The following TRAPPC11 variants were observed in gnomAD, a reference collection of about 807,000 sequenced individuals.
TRAPPC11 encodes the protein trafficking protein particle complex subunit 11.
In TRAPPC11, 104 loss-of-function variants were observed where a neutral mutation model predicts 151.2. The ratio of observed to expected loss-of-function variants is 0.69; its 90% confidence interval spans 0.59 to 0.81. The LOEUF is 0.81. Among genes scored for constraint, TRAPPC11 ranks in the 30% least tolerant of loss-of-function variants. The probability of loss-of-function intolerance (pLI) is 0.00; values close to 1 mark genes in which losing one functional copy is unlikely to be tolerated. For missense variants in TRAPPC11, 1,230 were observed against 1,349.6 expected (o/e 0.91, Z 1.39); for synonymous variants, 456 against 472.3 (o/e 0.97, Z 0.45).
chr4:183,661,693 C>A (rs1190191820), intron 1 of TRAPPC11, among the ~76,000 whole-genome samples: 1 of 150,512 alleles, frequency 6.6e-6, no homozygotes, highest in African/African-American at 2.4e-5. Flanking sequence ...AAAAGAGCCT[C>A]ATGACACATT....
chr4:183,682,688 T>A (rs1215127303), intron 10 of TRAPPC11, 44 bp from the exon 11 acceptor site: 1 of 1,366,288 alleles, frequency 7.3e-7, no homozygotes, highest in Non-Finnish European at 1.0e-6. Context: ...TGATTTGCGA[T>A]GAGTTCCATA....
chr4:183,692,118 T>C (rs913053377), intron 19 of TRAPPC11, among the ~76,000 whole-genome samples: 1 of 152,150 alleles, frequency 6.6e-6, no homozygotes, highest in Non-Finnish European at 1.5e-5. Context: ...ATCTGTAAAA[T>C]GGGGATCATA....
chr4:183,701,242 G>A (rs977804594), intron 25 of TRAPPC11: 2 of 153,022 alleles, frequency 1.3e-5, no homozygotes, highest in African/African-American at 4.8e-5. Flanking sequence ...ATTAGGGATG[G>A]TCAACCTGTA....
At chr4:183,683,086 G>A (rs1281666064) in intron 11 of TRAPPC11, among the ~76,000 whole-genome samples, 1 of 151,554 alleles carries the variant, frequency 6.6e-6, no homozygotes, top group Non-Finnish European at 1.5e-5. Context: ...TTGGGAGACT[G>A]AGGTGGAAGG....
chr4:183,686,579 C>T, intron 17 of TRAPPC11, 39 bp from the exon 18 acceptor site: 1 of 1,607,508 alleles, frequency 6.2e-7, no homozygotes, highest in East Asian at 2.2e-5. Context: ...TCGTGGGTAT[C>T]TGGTTGTGCA....
chr4:183,688,922 A>AT (rs1274753584), intron 18 of TRAPPC11, among the ~76,000 whole-genome samples: 1 of 151,886 alleles, frequency 6.6e-6, no homozygotes, highest in Admixed American at 6.6e-5. Flanking sequence ...TAATTTTTGT[A>AT]TTTTTTTATA....
intron 8 of TRAPPC11, among the ~76,000 whole-genome samples, chr4:183,677,992 G>A (rs1735496720): frequency 6.7e-6 from 1 of 150,006 alleles, no homozygotes; most frequent in Admixed American, 6.7e-5. Flanking sequence ...AGGCTGGAGT[G>A]CAGTGGTGGG....
At chr4:183,665,343 C>T (rs1287333595) in intron 2 of TRAPPC11, among the ~76,000 whole-genome samples, 4 of 152,080 alleles carry the variant, frequency 2.6e-5, no homozygotes, top group Non-Finnish European at 5.9e-5. Context: ...ATCTGCCCAC[C>T]TTGGCCTCCC....
chr4:183,665,925 G>A lies in TRAPPC11; in HGVS notation c.205-332G>A, dbSNP rs1051832281. On this transcript the variant is annotated intron_variant, in intron 2 of 29. Transcript: ENST00000334690. ...ATAAGTAGAATTTACCTGGAAATGG[G>A]CTACTTTTTTTTTTTTTTTTTTCTT... 1.0e-3 allele frequency among the ~76,000 whole-genome samples: 141 copies of A among 140,648 alleles called. 1 individual carries two copies. Among genetic ancestry groups the A allele is most frequent in the Non-Finnish European group, 1.7e-3 (111 of 65,730 alleles). The allele number at this position is 140,648 out of a possible 152,430, so 92.3% of individuals were successfully genotyped here.
At chr4:183,682,851 T>G in intron 11 of TRAPPC11, 26 bp downstream of exon 11, 1 of 1,501,848 alleles carries the variant, frequency 6.7e-7, no homozygotes, top group Non-Finnish European at 9.3e-7. Flanking sequence ...CTCTGTCCTT[T>G]CCTCTCAACC....
In TRAPPC11 at chr4:183,675,209, T is replaced by C. The variant is rs867066354; in HGVS notation, c.706T>C (p.Leu236=). 6.5e-7 allele frequency: 1 copy of C among 1,545,170 alleles called. No individual in the cohort carries two copies. The highest frequency in any genetic ancestry group is 1.9e-5 in the Admixed American group (1 of 51,816). Residue 236 remains leucine, a synonymous_variant, in exon 7 of 30, where the codon TTG becomes CTG. Transcript: ENST00000334690. The part of the protein sequence containing the change: ...HQFKIAFFSE[L]KQDTQNALKN... ...GTTCAAAATAGCTTTCTTCAGTGAG[T>C]TGAAACAAGATACACAAAATGCGCT...
At chr4:183,659,940 C>T (rs1734382544) in intron 1 of TRAPPC11, among the ~76,000 whole-genome samples, 1 of 151,928 alleles carries the variant, frequency 6.6e-6, no homozygotes, top group African/African-American at 2.4e-5. Context: ...TTTTTAGTTG[C>T]CAATTTGATT....
At chr4:183,706,580 C>A (rs1199921657) in intron 27 of TRAPPC11, among the ~76,000 whole-genome samples, 1 of 151,920 alleles carries the variant, frequency 6.6e-6, no homozygotes, top group Non-Finnish European at 1.5e-5. Context: ...ATAGCCAAGA[C>A]CCTGTCTAGG....
intron 29 of TRAPPC11, among the ~76,000 whole-genome samples, chr4:183,711,088 A>T (rs1737319755): frequency 6.7e-6 from 1 of 150,016 alleles, no homozygotes; most frequent in Non-Finnish European, 1.5e-5. Context: ...TCAAAACATC[A>T]TGTTGTATAC....
chr4:183,667,065 G>GT lies in TRAPPC11; in HGVS notation c.383dup (p.Leu128PhefsTer39). On this transcript the variant is annotated frameshift_variant, in exon 4 of 30. Transcript: ENST00000334690. LOFTEE classifies it high-confidence loss of function. ...TTCTTGCTTTTTCATTGCAGGCAAA[G>GT]TTTACAAGGAAGAAACACAAAAGTT... The GT allele has an allele frequency of 6.3e-7, 1 of 1,594,256 alleles. No homozygotes were observed. The highest frequency in any genetic ancestry group is 8.6e-7 in the Non-Finnish European group (1 of 1,166,902).
At chr4:183,665,641 T>C (rs541250788) in intron 2 of TRAPPC11, among the ~76,000 whole-genome samples, 2 of 152,330 alleles carry the variant, frequency 1.3e-5, no homozygotes, top group East Asian at 3.9e-4. Context: ...GGAAGGAATG[T>C]GAGGTTTCAA....
chr4:183,659,980 T>C (rs1015912639), intron 1 of TRAPPC11, among the ~76,000 whole-genome samples: 1 of 152,226 alleles, frequency 6.6e-6, no homozygotes, highest in Non-Finnish European at 1.5e-5. Flanking sequence ...TCACGCTAGT[T>C]TCCAGTTTAC....
Position 183,685,401 on chromosome 4 carries a change from T to A in TRAPPC11, c.1760T>A (p.Phe587Tyr). The A allele has an allele frequency of 2.5e-6, 4 of 1,612,652 alleles. No individual in the cohort carries two copies. The highest frequency in any genetic ancestry group is 2.5e-6 in the Non-Finnish European group (3 of 1,178,750). Residue 587 changes from phenylalanine to tyrosine, a missense_variant and splice_region_variant, in exon 17 of 30, where the codon TTT becomes TAT. Coordinates refer to ENST00000334690, the MANE Select transcript of TRAPPC11 (RefSeq NM_021942.6). ...ATAGGAGTACAGGACTTTGTGCCAT[T>A]TGGTAGGTAGCTAACATCTACAGTA... ...FTIGVQDFVPFVQCKAKFHAP... is the reference protein window; with the variant it reads ...FTIGVQDFVPYVQCKAKFHAP...
chr4:183,695,811 GAGA>G (rs1736508182), intron 23 of TRAPPC11, among the ~76,000 whole-genome samples: 2 of 152,138 alleles, frequency 1.3e-5, no homozygotes, highest in African/African-American at 4.8e-5. Context: ...CCAAGCGGGA[GAGA>G]AGAAGGCATG....
Sources: gnomAD v4.1 joint callset for allele counts (sites outside exome capture counted in the v4.1 genomes callset) on GRCh38, gnomAD v4.1.1 for gene constraint, MANE v1.5 for transcripts, NCBI Gene and HGNC (gene_info 2026-07-23, HGNC 2026-07-21) for gene names.